UPRT: variants seen among roughly 807,000 people sequenced by gnomAD.
The protein encoded by UPRT is RP11-311P8.3.
UPRT carries 5 observed loss-of-function variants against 22.6 expected under a neutral mutation model. That is an observed-to-expected ratio of 0.22 (90% CI 0.12 to 0.47). UPRT has a LOEUF of 0.47. UPRT is among the 20% of genes least tolerant of loss of function. The probability of loss-of-function intolerance (pLI) is 0.99; values close to 1 mark genes in which losing one functional copy is unlikely to be tolerated. For synonymous variants in UPRT, 77 were observed against 87.7 expected (o/e 0.88, Z 0.68); for missense variants, 181 against 239.9 (o/e 0.75, Z 1.62).
At chrX:75,204,437 A>G (rs10126271) in intron 4 of UPRT, among the ~76,000 whole-genome samples, 3,248 of 112,648 alleles carry the variant, frequency 0.029, 117 homozygotes, top group African/African-American at 0.1. Flanking sequence ...CCACACAGGA[A>G]AAAAGACCAG....
intron 4 of UPRT, among the ~76,000 whole-genome samples, chrX:75,189,890 TCTC>T (rs2082308742): frequency 8.9e-6 from 1 of 112,120 alleles, no homozygotes; most frequent in Admixed American, 9.5e-5. Flanking sequence ...GTGAGATGCA[TCTC>T]CTGCATATAG....
At chrX:75,203,061 A>G (rs1052339843) in intron 4 of UPRT, among the ~76,000 whole-genome samples, 11 of 112,026 alleles carry the variant, frequency 9.8e-5, no homozygotes, top group African/African-American at 3.6e-4. Context: ...CCCATCTCAC[A>G]TGCAAAGACA....
intron 4 of UPRT, among the ~76,000 whole-genome samples, chrX:75,198,700 G>T (rs951341034): frequency 3.6e-5 from 4 of 111,312 alleles, no homozygotes; most frequent in African/African-American, 1.3e-4. Flanking sequence ...ATGCACATAT[G>T]TTCTATCATA....
At chrX:75,236,198 A>G (rs1040848330) in intron 4 of UPRT, among the ~76,000 whole-genome samples, 15 of 111,559 alleles carry the variant, frequency 1.3e-4, no homozygotes, top group African/African-American at 3.9e-4. Context: ...CCCATTCACA[A>G]TTGCTTCAAA....
At chrX:75,270,344 T>C (rs2082604409), upstream of UPRT, among the ~76,000 whole-genome samples, 1 of 111,839 alleles carries the variant, frequency 8.9e-6, no homozygotes, top group African/African-American at 3.3e-5. Flanking sequence ...GAAGATAGTG[T>C]GGGGATTCCT....
intron 4 of UPRT, among the ~76,000 whole-genome samples, chrX:75,185,815 G>C (rs1455458257): frequency 9.0e-6 from 1 of 111,556 alleles, no homozygotes; most frequent in Non-Finnish European, 1.9e-5. Flanking sequence ...GCGTAGCGGT[G>C]TTTGTAATAT....
intron 4 of UPRT, among the ~76,000 whole-genome samples, chrX:75,171,987 A>G (rs779885589): frequency 4.5e-5 from 5 of 111,928 alleles, no homozygotes; most frequent in African/African-American, 1.3e-4. Flanking sequence ...TGGAGGTGAC[A>G]GGGGAGTGAA....
intron 4 of UPRT, among the ~76,000 whole-genome samples, chrX:75,234,964 C>CA (rs1283274939): frequency 9.9e-5 from 11 of 111,173 alleles, no homozygotes; most frequent in Non-Finnish European, 2.1e-4. Context: ...AATAGAGACA[C>CA]AAAAAACCCT....
At chrX:75,235,034 T>C (rs1290708579) in intron 4 of UPRT, among the ~76,000 whole-genome samples, 1 of 111,515 alleles carries the variant, frequency 9.0e-6, no homozygotes, top group Non-Finnish European at 1.9e-5. Context: ...ATTGATAGAC[T>C]GCTAGCAAGA....
intron 4 of UPRT, among the ~76,000 whole-genome samples, chrX:75,237,552 T>A (rs1477534374): frequency 9.1e-6 from 1 of 110,324 alleles, no homozygotes; most frequent in African/African-American, 3.3e-5. Flanking sequence ...CCAACCCAAA[T>A]GTCCAACAAT....
At chrX:75,223,838 G>A (rs1329961120) in intron 4 of UPRT, among the ~76,000 whole-genome samples, 3 of 111,898 alleles carry the variant, frequency 2.7e-5, no homozygotes, top group African/African-American at 9.8e-5. Flanking sequence ...TGGTTCTCAT[G>A]AAGGTTTGTG....
intron 4 of UPRT, among the ~76,000 whole-genome samples, chrX:75,183,405 C>G (rs771491739): frequency 3.4e-4 from 38 of 111,917 alleles, no homozygotes; most frequent in African/African-American, 1.2e-3. Flanking sequence ...GTCACATTTT[C>G]TTAATCCAGT....
rs183836625 is a variant in UPRT, at chrX:75,191,703, G to A, written c.-447+23824G>A. Among the ~76,000 whole-genome samples the A allele has an allele frequency of 8.9e-5, 10 of 112,132 alleles. No homozygotes were observed. In the East Asian group the frequency reaches 2.9e-3, roughly 32 times the overall value. On this transcript the variant is annotated intron_variant, in intron 4 of 13. Transcript: ENST00000652605. ...TAGCCTCACTGCCACCTTGCAGTTG[G>A]ATCTCAGACTGCTGTGCTAGCAATG...
intron 4 of UPRT, among the ~76,000 whole-genome samples, chrX:75,215,238 A>G (rs2082389479): frequency 9.0e-6 from 1 of 111,642 alleles, no homozygotes; most frequent in Non-Finnish European, 1.9e-5. Flanking sequence ...AGGGAAATTT[A>G]TAGTACTGCA....
At chrX:75,254,993 T>A (rs2082544760) in intron 4 of UPRT, among the ~76,000 whole-genome samples, 2 of 110,056 alleles carry the variant, frequency 1.8e-5, no homozygotes, top group African/African-American at 3.3e-5. Context: ...GCCAGGATGG[T>A]CTCGATCTCC....
chrX:75,261,944 A>C (rs188901436), intron 4 of UPRT, among the ~76,000 whole-genome samples: 2 of 111,386 alleles, frequency 1.8e-5, no homozygotes, highest in East Asian at 5.7e-4. Flanking sequence ...CACCAGAAAG[A>C]TACTCCTCGA....
chrX:75,200,249 C>T (rs1309440590), intron 4 of UPRT, among the ~76,000 whole-genome samples: 1 of 112,409 alleles, frequency 8.9e-6, no homozygotes, highest in Non-Finnish European at 1.9e-5. Context: ...TAGCTTCTTC[C>T]TGCTTCTAGT....
chrX:75,266,014 C>T (rs1273072161), intron 4 of UPRT, among the ~76,000 whole-genome samples: 2 of 111,165 alleles, frequency 1.8e-5, no homozygotes, highest in African/African-American at 6.5e-5. Context: ...GCCATACTGC[C>T]CAAGGTAATT....
At chrX:75,215,125 TAGA>T (rs1459995025) in intron 4 of UPRT, among the ~76,000 whole-genome samples, 4 of 111,805 alleles carry the variant, frequency 3.6e-5, no homozygotes, top group Admixed American at 1.9e-4. Flanking sequence ...ATCTTTTTTT[TAGA>T]AGAAGAAATC....
Sources: gnomAD v4.1 joint callset for allele counts (sites outside exome capture counted in the v4.1 genomes callset) on GRCh38, gnomAD v4.1.1 for gene constraint, MANE v1.5 for transcripts, NCBI Gene and HGNC (gene_info 2026-07-23, HGNC 2026-07-21) for gene names.